Variants in MTHFD2L observed in about 807,000 individuals in gnomAD.
The protein encoded by MTHFD2L is methylenetetrahydrofolate dehydrogenase (NADP+ dependent) 2 like.
In MTHFD2L, 29 loss-of-function variants were observed where a neutral mutation model predicts 34.9. The observed-to-expected ratio is 0.83, with a 90% CI of 0.62 to 1.13. The LOEUF (loss-of-function observed/expected upper bound fraction) is 1.13. Among genes scored for constraint, MTHFD2L ranks in the 50% most tolerant of loss-of-function variants. The pLI is 0.00. For missense variants in MTHFD2L, 481 were observed against 446.5 expected, an observed-to-expected ratio of 1.08 and a Z score of -0.70; for synonymous variants, 167 against 155.7, an observed-to-expected ratio of 1.07 and a Z score of -0.54.
At chr4:74,127,756 A>C (rs2109793485) in intron 1 of MTHFD2L, among the ~76,000 whole-genome samples, 1 of 152,202 alleles carries the variant, frequency 6.6e-6, no homozygotes, top group East Asian at 1.9e-4. Context: ...TTTCTTTTGG[A>C]TATATACCCA....
intron 6 of MTHFD2L, among the ~76,000 whole-genome samples, chr4:74,253,199 A>C (rs779320615): frequency 1.3e-5 from 2 of 152,146 alleles, no homozygotes; most frequent in Non-Finnish European, 2.9e-5. Context: ...GATTCTAGTA[A>C]GCAGTAGTAG....
At chr4:74,187,852 G>C (rs548501997) in intron 3 of MTHFD2L, among the ~76,000 whole-genome samples, 2 of 143,788 alleles carry the variant, frequency 1.4e-5, no homozygotes, top group South Asian at 4.6e-4. Context: ...CAGCCATTCC[G>C]TGCCTGTGTA....
chr4:74,203,211 A>G (rs1734740496), intron 5 of MTHFD2L, among the ~76,000 whole-genome samples: 1 of 152,124 alleles, frequency 6.6e-6, no homozygotes, highest in African/African-American at 2.4e-5. Flanking sequence ...AAAAAGCCTT[A>G]GTTTTGAAGA....
rs2110340366 is a variant in MTHFD2L, at chr4:74,302,086, C to A, written c.*277C>A. 4.2e-6 allele frequency: 1 copy of A among 240,454 alleles called. No individual in the cohort carries two copies. Among genetic ancestry groups the A allele is most frequent in the Non-Finnish European group, 7.9e-6 (1 of 126,908 alleles). The allele number at this position is 240,454 out of a possible 1,614,324, so 14.9% of individuals were successfully genotyped here. On this transcript the variant is annotated 3_prime_UTR_variant, in exon 8 of 8. Transcript: ENST00000325278. ...TTCATAACATTAAAACAATAAAGGG[C>A]TCATAATAAATAAATATATTTTTGA...
Position 74,285,241 on chromosome 4 carries a change from A to AATGAC in MTHFD2L, c.931+3692_931+3696dup, listed in dbSNP as rs1169396222. Reference sequence around the variant, plus strand: ...AGCATTACGAGATATACCTACTGTAAATGACGAGTTAATGGGTGCAGCACA... The same window carrying AATGAC: ...AGCATTACGAGATATACCTACTGTAAATGACATGACGAGTTAATGGGTGCAGCACA... On this transcript the variant is annotated intron_variant, in intron 7 of 7. Coordinates refer to ENST00000325278, the MANE Select transcript of MTHFD2L (RefSeq NM_001144978.3). 3.3e-5 allele frequency among the ~76,000 whole-genome samples: 5 copies of AATGAC among 152,148 alleles called. No individual in the cohort carries two copies. The East Asian group carries it at 9.7e-4, about 29-fold the overall frequency.
chr4:74,165,517 C>G (rs1186005602), intron 1 of MTHFD2L, among the ~76,000 whole-genome samples: 1 of 152,096 alleles, frequency 6.6e-6, no homozygotes, highest in East Asian at 1.9e-4. Context: ...GCCACCACGC[C>G]CAGCTAATTT....
At position 74,273,282 on chromosome 4, in the gene MTHFD2L, T is replaced by C. The variant is rs1032576921; in HGVS notation, c.806-8143T>C. ...TTTATAAAATAATGCACTTTAGGAG[T>C]TTCTGGACAGCCAGAAGAAAGGGGG... On this transcript the variant is annotated intron_variant, in intron 6 of 7. Transcript: ENST00000325278. Among the ~76,000 whole-genome samples the C allele has an allele frequency of 2.0e-5, 3 of 152,022 alleles. No homozygotes were observed. In the South Asian group the frequency reaches 6.2e-4, roughly 32 times the overall value.
chr4:74,269,836 A>G (rs1463918920), intron 6 of MTHFD2L, among the ~76,000 whole-genome samples: 2 of 152,128 alleles, frequency 1.3e-5, no homozygotes, highest in East Asian at 1.9e-4. Context: ...AGTAAACTCT[A>G]AGGCATAATA....
chr4:74,226,411 T>G (rs1739170297), intron 6 of MTHFD2L, among the ~76,000 whole-genome samples: 2 of 152,186 alleles, frequency 1.3e-5, no homozygotes, highest in Non-Finnish European at 2.9e-5. Flanking sequence ...CCTTCAATGA[T>G]GAGACTCTTT....
At chr4:74,126,129 C>T (rs1315512088) in intron 1 of MTHFD2L, among the ~76,000 whole-genome samples, 1 of 152,146 alleles carries the variant, frequency 6.6e-6, no homozygotes, top group Non-Finnish European at 1.5e-5. Context: ...AAGCAGTGTA[C>T]TGTAAGTCCT....
chr4:74,143,844 A>C (rs1352373621), intron 1 of MTHFD2L, among the ~76,000 whole-genome samples: 4 of 152,110 alleles, frequency 2.6e-5, no homozygotes, highest in African/African-American at 9.7e-5. Flanking sequence ...TTATGTTCAG[A>C]TAGGATAAGG....
rs16850636 is a variant in MTHFD2L, at chr4:74,201,257, T to C, written c.605-6T>C. The C allele has an allele frequency of 4.4e-3, 7,122 of 1,608,872 alleles. 303 individuals are homozygous for C. The African/African-American group carries it at 0.083, about 19-fold the overall frequency. On this transcript the variant is annotated splice_polypyrimidine_tract_variant and splice_region_variant and intron_variant, in intron 4 of 7. Transcript: ENST00000325278. Reference sequence around the variant, plus strand: ...TCTGCATTTAAACCGAACTCTGTATTTTAAGGAATTCAAACATTTGGAAAA... The same window carrying C: ...TCTGCATTTAAACCGAACTCTGTATCTTAAGGAATTCAAACATTTGGAAAA...
intron 5 of MTHFD2L, among the ~76,000 whole-genome samples, chr4:74,204,692 A>G (rs1283623935): frequency 1.3e-5 from 2 of 152,174 alleles, no homozygotes; most frequent in East Asian, 3.8e-4. Context: ...TGAATTATAT[A>G]TTTGTCTATA....
At chr4:74,216,393 A>T (rs1390581710) in intron 5 of MTHFD2L, among the ~76,000 whole-genome samples, 1 of 151,756 alleles carries the variant, frequency 6.6e-6, no homozygotes, top group African/African-American at 2.4e-5. Context: ...TAGAAGTAGA[A>T]CTTGAGTGTC....
At chr4:74,170,871 C>T (rs965344368) in intron 1 of MTHFD2L, among the ~76,000 whole-genome samples, 11 of 150,428 alleles carry the variant, frequency 7.3e-5, no homozygotes, top group South Asian at 2.1e-4. Context: ...AGCAAACTAT[C>T]GCAAGGACAA....
At chr4:74,286,365 G>A (rs1235647521) in intron 7 of MTHFD2L, among the ~76,000 whole-genome samples, 3 of 152,000 alleles carry the variant, frequency 2.0e-5, no homozygotes, top group Non-Finnish European at 4.4e-5. Context: ...TTTACACTTA[G>A]GTATACCTAC....
chr4:74,126,830 T>A (rs1722112379), intron 1 of MTHFD2L, among the ~76,000 whole-genome samples: 1 of 152,146 alleles, frequency 6.6e-6, no homozygotes, highest in Non-Finnish European at 1.5e-5. Flanking sequence ...CTTGTGATAA[T>A]CTGATACATT....
chr4:74,190,796 T>A (rs1356974277), intron 3 of MTHFD2L, among the ~76,000 whole-genome samples: 1 of 152,210 alleles, frequency 6.6e-6, no homozygotes, highest in Non-Finnish European at 1.5e-5. Flanking sequence ...AGAAAATAAA[T>A]CATTGAGAGA....
At position 74,134,448 on chromosome 4, in the gene MTHFD2L, A is replaced by C. The variant is rs186513462; in HGVS notation, c.-297+8931A>C. Among the ~76,000 whole-genome samples the C allele has an allele frequency of 3.1e-3, 468 of 152,274 alleles. 1 individual carries two copies. Among genetic ancestry groups the C allele is most frequent in the South Asian group, 9.5e-3 (46 of 4,824 alleles). On this transcript the variant is annotated intron_variant, in intron 1 of 7. Transcript: ENST00000433372. ...AACATAGGCTTATGGCGCCATCTAG[A>C]GCCGAAAACAAGGCAGCAAGCTGGC...
Sources: gnomAD v4.1 joint callset for allele counts (sites outside exome capture counted in the v4.1 genomes callset) on GRCh38, gnomAD v4.1.1 for gene constraint, MANE v1.5 for transcripts, NCBI Gene and HGNC (gene_info 2026-07-23, HGNC 2026-07-21) for gene names.